Variants in PPFIA2 observed in about 807,000 individuals in gnomAD.
PPFIA2 encodes the protein liprin-alpha-2.
A neutral mutation model predicts 175.5 loss-of-function variants in PPFIA2; 46 were observed. The observed-to-expected ratio is 0.26, with a 90% CI of 0.21 to 0.34. The LOEUF (loss-of-function observed/expected upper bound fraction) is 0.34. PPFIA2 is among the 10% of genes least tolerant of loss of function. The pLI, the probability that PPFIA2 is intolerant of heterozygous loss-of-function variation, is 1.00. For missense variants in PPFIA2, 1,179 were observed against 1,506.1 expected, an observed-to-expected ratio of 0.78 and a Z score of 3.60; for synonymous variants, 568 against 511.4, an observed-to-expected ratio of 1.11 and a Z score of -1.49.
chr12:81,312,932 T>C (rs1291242401), intron 22 of PPFIA2, among the ~76,000 whole-genome samples: 1 of 152,196 alleles, frequency 6.6e-6, no homozygotes, highest in Non-Finnish European at 1.5e-5. Flanking sequence ...TCCTTCTCTA[T>C]TTGACTGGCA....
At chr12:81,449,628 CAA>C (rs1243208890) in intron 5 of PPFIA2, among the ~76,000 whole-genome samples, 23 of 151,910 alleles carry the variant, frequency 1.5e-4, no homozygotes, top group African/African-American at 5.5e-4. Context: ...TTAAATAAGC[CAA>C]GACTTTTTTT....
Position 81,352,659 on chromosome 12 carries a change from C to T in PPFIA2, c.1994+460G>A, listed in dbSNP as rs1309408591. Among the ~76,000 whole-genome samples, 4 of 152,034 alleles carry T rather than the reference C, an allele frequency of 2.6e-5. 1 individual carries two copies. The highest frequency in any genetic ancestry group is 3.9e-4 in the East Asian group (2 of 5,140). ...CAAAAAGAATGGTAAATTAATTTCACTCCAATGTTGAAATATTTTAAGGAA... is the reference window on the plus strand; with the variant it reads ...CAAAAAGAATGGTAAATTAATTTCATTCCAATGTTGAAATATTTTAAGGAA... On this transcript the variant is annotated intron_variant, in intron 17 of 32. Coordinates refer to ENST00000549396, the MANE Select transcript of PPFIA2 (RefSeq NM_003625.5).
chr12:81,542,056 C>T (rs751961667), intron 4 of PPFIA2, among the ~76,000 whole-genome samples: 2 of 152,046 alleles, frequency 1.3e-5, no homozygotes, highest in Non-Finnish European at 2.9e-5. Flanking sequence ...CTGTTCTAAT[C>T]CCTGGAACTT....
chr12:81,453,257 A>G (rs1031220382), intron 5 of PPFIA2, among the ~76,000 whole-genome samples: 4 of 150,548 alleles, frequency 2.7e-5, no homozygotes, highest in Non-Finnish European at 1.5e-5. Flanking sequence ...CACAATAGTT[A>G]CATTCTAAAA....
chr12:81,677,826 A>G (rs2072848482), intron 3 of PPFIA2, among the ~76,000 whole-genome samples: 1 of 151,924 alleles, frequency 6.6e-6, no homozygotes, highest in Non-Finnish European at 1.5e-5. Context: ...TGGTGTGATA[A>G]GCTGTAGAGG....
intron 4 of PPFIA2, among the ~76,000 whole-genome samples, chr12:81,656,930 T>C (rs898506603): frequency 1.3e-5 from 2 of 152,166 alleles, no homozygotes; most frequent in African/African-American, 2.4e-5. Context: ...GGAATCAACA[T>C]AGATTTTAAT....
chr12:81,613,783 G>A (rs1156726394), intron 4 of PPFIA2, among the ~76,000 whole-genome samples: 1 of 152,086 alleles, frequency 6.6e-6, no homozygotes, highest in African/African-American at 2.4e-5. Context: ...AACTATTTAG[G>A]AAATGTTAAA....
intron 13 of PPFIA2, 31 bp from the exon 14 acceptor site, chr12:81,367,201 A>T (rs1721448891): frequency 2.4e-6 from 3 of 1,274,680 alleles, no homozygotes; most frequent in Non-Finnish European, 3.1e-6. Flanking sequence ...GAAATAATTA[A>T]TAAATTAAAC....
rs182892039 is a variant in PPFIA2 at position 81,302,332 on chromosome 12, A to C, written c.2643-2950T>G. The C allele has an allele frequency of 1.7e-5, 4 of 239,918 alleles. No individual in the cohort carries two copies. In the East Asian group the frequency reaches 4.5e-4, roughly 27 times the overall value. The allele number at this position is 239,918 out of a possible 1,614,324, so 14.9% of individuals were successfully genotyped here. A position where few individuals can be genotyped will look rare whatever the true frequency, so the allele number is the denominator to read the frequency against. The stretch of plus-strand genomic sequence containing the variant: ...TCTGATCTATTTGGGATTCCTGGTG[A>C]GAATTTGGTTAAGAGGCAACCCAAT... On this transcript the variant is annotated intron_variant, in intron 22 of 32. Coordinates refer to ENST00000549396, the MANE Select transcript of PPFIA2 (RefSeq NM_003625.5).
chr12:81,570,402 G>A (rs914962969), intron 4 of PPFIA2, among the ~76,000 whole-genome samples: 3 of 152,068 alleles, frequency 2.0e-5, no homozygotes, highest in African/African-American at 7.2e-5. Flanking sequence ...TAAATTTAGA[G>A]AAAGACAAGT....
chr12:81,533,719 C>CTATA (rs1464091516), intron 4 of PPFIA2, among the ~76,000 whole-genome samples: 1 of 134,250 alleles, frequency 7.4e-6, no homozygotes, highest in Admixed American at 7.6e-5. Context: ...ATCTATCTAT[C>CTATA]TATCTATCTA....
At chr12:81,264,016 G>A (rs939325837) in intron 30 of PPFIA2, among the ~76,000 whole-genome samples, 2 of 151,982 alleles carry the variant, frequency 1.3e-5, no homozygotes, top group African/African-American at 2.4e-5. Flanking sequence ...AAGTACATGT[G>A]GTCTTTGGGT....
intron 5 of PPFIA2, among the ~76,000 whole-genome samples, chr12:81,456,194 T>C (rs2053541526): frequency 6.6e-6 from 1 of 152,076 alleles, no homozygotes; most frequent in African/African-American, 2.4e-5. Flanking sequence ...AAATTTTAAA[T>C]TTGCACGAAA....
chr12:81,436,156 C>T lies in PPFIA2; in HGVS notation c.645+3816G>A, dbSNP rs547573973. On this transcript the variant is annotated intron_variant, in intron 7 of 32. Coordinates refer to ENST00000549396, the MANE Select transcript of PPFIA2 (RefSeq NM_003625.5). The stretch of plus-strand genomic sequence containing the variant: ...ATTGGCTGGGCATGGTGGCATGCAA[C>T]TGTAGTCCCAGCTACTCGTAAGGCT... Among the ~76,000 whole-genome samples the T allele has an allele frequency of 6.0e-5, 9 of 151,228 alleles. 1 individual carries two copies. The South Asian group carries it at 1.7e-3, about 28-fold the overall frequency.
chr12:81,456,712 G>A lies in PPFIA2; in HGVS notation c.405+1053C>T, dbSNP rs76521560. Among the ~76,000 whole-genome samples, 61 of 152,200 alleles carry A rather than the reference G, an allele frequency of 4.0e-4. No homozygotes were observed. In the East Asian group the frequency reaches 0.01, roughly 26 times the overall value. ...TAAACTGTACTCCTCTATGGGTAAT[G>A]TGGTAATTTACATGTTTATAAAATT... On this transcript the variant is annotated intron_variant, in intron 5 of 32. Transcript: ENST00000549396.
chr12:81,614,111 A>T (rs1353020326), intron 4 of PPFIA2, among the ~76,000 whole-genome samples: 1 of 152,088 alleles, frequency 6.6e-6, no homozygotes, highest in Non-Finnish European at 1.5e-5. Flanking sequence ...ATTTTTATGG[A>T]TTGTTTTTAA....
intron 7 of PPFIA2, among the ~76,000 whole-genome samples, chr12:81,413,860 T>A (rs1420755427): frequency 6.6e-6 from 1 of 151,786 alleles, no homozygotes; most frequent in Admixed American, 6.6e-5. Flanking sequence ...AGTATTCACT[T>A]CATTTTCCTT....
At chr12:81,532,787 G>T (rs1372554033) in intron 4 of PPFIA2, among the ~76,000 whole-genome samples, 1 of 151,526 alleles carries the variant, frequency 6.6e-6, no homozygotes, top group Non-Finnish European at 1.5e-5. Flanking sequence ...ACTCTTATTT[G>T]TTTCTTTGTT....
chr12:81,492,747 A>T (rs2059550784), intron 4 of PPFIA2, among the ~76,000 whole-genome samples: 2 of 152,074 alleles, frequency 1.3e-5, no homozygotes, highest in Admixed American at 1.3e-4. Flanking sequence ...TTGGGAAGCA[A>T]ATGGAAGATT....
Sources: allele counts gnomAD v4.1 joint callset (sites outside exome capture counted in the v4.1 genomes callset), GRCh38; gene constraint gnomAD v4.1.1; transcripts MANE v1.5; gene names NCBI Gene and HGNC (gene_info 2026-07-23, HGNC 2026-07-21).